Variants in CA10 observed in about 807,000 individuals in gnomAD.
The protein encoded by CA10 is carbonic anhydrase-related protein 10.
CA10 carries 14 observed loss-of-function variants against 44.2 expected under a neutral mutation model. The ratio of observed to expected loss-of-function variants is 0.32; its 90% CI spans 0.21 to 0.50. The LOEUF (loss-of-function observed/expected upper bound fraction) is 0.50. Among genes scored for constraint, CA10 ranks in the 20% least tolerant of loss-of-function variants. The pLI is 0.99. For synonymous variants in CA10, 159 were observed against 141.6 expected (o/e 1.12, Z -0.87); for missense variants, 350 against 409.7 (o/e 0.85, Z 1.26).
intron 1 of CA10, among the ~76,000 whole-genome samples, chr17:52,143,175 T>G (rs1242644438): frequency 6.6e-6 from 1 of 152,208 alleles, no homozygotes; most frequent in Non-Finnish European, 1.5e-5. Flanking sequence ...TATTAAATCT[T>G]GATTTCCATC....
In CA10 at chr17:51,653,641, T is replaced by C. The variant is rs1433151060; in HGVS notation, c.561A>G (p.Lys187=). The C allele has an allele frequency of 2.6e-6, 4 of 1,519,156 alleles. No homozygotes were observed. Among genetic ancestry groups the C allele is most frequent in the Non-Finnish European group, 3.7e-6 (4 of 1,093,438 alleles). 94.1% of individuals were successfully genotyped at this position (1,519,156 alleles called of 1,614,324 possible). A position where few individuals can be genotyped will look rare whatever the true frequency, so the allele number is the denominator to read the frequency against. The change falls in exon 5 of 9, where the codon AAA becomes AAG. Residue 187 remains lysine (K), a splice_region_variant and synonymous_variant. Coordinates refer to ENST00000451037, the MANE Select transcript of CA10 (RefSeq NM_020178.5). ...GAATGAAGGAATGCAAGAGACTTAC[T>C]TTTATAAATATAGAAACTACCACCA... ...NGLVVVSIFI[K]VSDSSNPFLN...
chr17:52,027,935 TG>T (rs1986351281), intron 2 of CA10, among the ~76,000 whole-genome samples: 1 of 152,158 alleles, frequency 6.6e-6, no homozygotes, highest in Admixed American at 6.6e-5. Context: ...CAAGAGCTTC[TG>T]GGATCCTACT....
intron 3 of CA10, among the ~76,000 whole-genome samples, chr17:51,865,329 T>C (rs1156752445): frequency 6.6e-6 from 1 of 152,218 alleles, no homozygotes; most frequent in Non-Finnish European, 1.5e-5. Context: ...CATAGCTGCA[T>C]GTCTAGTTTT....
At chr17:51,671,035 A>C (rs538994824) in intron 4 of CA10, among the ~76,000 whole-genome samples, 8 of 152,010 alleles carry the variant, frequency 5.3e-5, no homozygotes, top group Non-Finnish European at 1.0e-4. Context: ...GTCCCCTTGC[A>C]CTCCTATAGT....
At chr17:51,737,856 G>A (rs1916963723) in intron 4 of CA10, among the ~76,000 whole-genome samples, 1 of 152,190 alleles carries the variant, frequency 6.6e-6, no homozygotes, top group African/African-American at 2.4e-5. Context: ...TAACCCTACT[G>A]TTGCCCTTTT....
chr17:52,093,445 G>GA (rs1988321818), intron 1 of CA10, among the ~76,000 whole-genome samples: 1 of 152,066 alleles, frequency 6.6e-6, no homozygotes, highest in African/African-American at 2.4e-5. Context: ...CCAACCCATG[G>GA]AAAATCTCCT....
intron 3 of CA10, among the ~76,000 whole-genome samples, chr17:51,920,513 C>A (rs889113790): frequency 1.3e-5 from 2 of 152,036 alleles, no homozygotes; most frequent in Admixed American, 6.5e-5. Flanking sequence ...CTTTCTAATA[C>A]CCACAGGAGG....
chr17:51,913,624 G>A (rs111319297), intron 3 of CA10, among the ~76,000 whole-genome samples: 1,199 of 114,894 alleles, frequency 0.01, 15 homozygotes, highest in African/African-American at 0.04. Context: ...TGTTTCAGCA[G>A]TGCTTGCAAG....
chr17:51,915,528 A>G (rs759598399), intron 3 of CA10, among the ~76,000 whole-genome samples: 16 of 152,346 alleles, frequency 1.1e-4, no homozygotes, highest in Non-Finnish European at 2.4e-4. Context: ...CACAGAGGCC[A>G]ACAACACAGA....
chr17:51,887,693 T>C (rs1439591413), intron 3 of CA10, among the ~76,000 whole-genome samples: 1 of 152,028 alleles, frequency 6.6e-6, no homozygotes, highest in Non-Finnish European at 1.5e-5. Context: ...CTGGGCGCAG[T>C]GGCTCACACT....
chr17:51,980,253 GT>G (rs576548206), intron 2 of CA10, among the ~76,000 whole-genome samples: 5 of 152,034 alleles, frequency 3.3e-5, no homozygotes, highest in Non-Finnish European at 7.4e-5. Flanking sequence ...TTTCATTGTG[GT>G]TTTCATTTGC....
At chr17:52,068,513 T>C (rs1460003109) in intron 2 of CA10, among the ~76,000 whole-genome samples, 1 of 152,224 alleles carries the variant, frequency 6.6e-6, no homozygotes, top group African/African-American at 2.4e-5. Context: ...CTTCTCCACT[T>C]TGAGTACTCC....
At chr17:51,879,164 A>G (rs1331349982) in intron 3 of CA10, among the ~76,000 whole-genome samples, 1 of 151,974 alleles carries the variant, frequency 6.6e-6, no homozygotes, top group Non-Finnish European at 1.5e-5. Context: ...TCAGTTGGTT[A>G]TCACACTTGT....
intron 4 of CA10, among the ~76,000 whole-genome samples, chr17:51,725,511 A>G (rs922306738): frequency 6.6e-5 from 10 of 152,204 alleles, no homozygotes; most frequent in African/African-American, 2.2e-4. Flanking sequence ...TGGCAGGGCC[A>G]GCAGTGCAGC....
chr17:51,758,927 T>A (rs562869949), intron 3 of CA10, among the ~76,000 whole-genome samples: 2 of 152,282 alleles, frequency 1.3e-5, no homozygotes, highest in African/African-American at 4.8e-5. Flanking sequence ...AGACTGTGAA[T>A]GCAAGACTGT....
At chr17:51,896,893 GTGTC>G (rs1175672129) in intron 3 of CA10, among the ~76,000 whole-genome samples, 2 of 151,998 alleles carry the variant, frequency 1.3e-5, no homozygotes, top group East Asian at 1.9e-4. Context: ...CTTTTGAAAA[GTGTC>G]TGTCCATGTC....
chr17:51,683,461 C>T (rs769116727), intron 4 of CA10, among the ~76,000 whole-genome samples: 1 of 152,084 alleles, frequency 6.6e-6, no homozygotes. Context: ...TTGTGTGGAC[C>T]AAATGAGATA....
At chr17:52,110,402 T>C (rs1168431698) in intron 1 of CA10, among the ~76,000 whole-genome samples, 2 of 152,212 alleles carry the variant, frequency 1.3e-5, no homozygotes, top group African/African-American at 4.8e-5. Flanking sequence ...TTAACCTCTC[T>C]GAGCCTCAAT....
intron 3 of CA10, among the ~76,000 whole-genome samples, chr17:51,905,957 G>T (rs186273720): frequency 6.6e-6 from 1 of 151,988 alleles, no homozygotes; most frequent in Non-Finnish European, 1.5e-5. Flanking sequence ...CAGTTATGGG[G>T]GTAAGCTGTC....
Sources: allele counts gnomAD v4.1 joint callset (sites outside exome capture counted in the v4.1 genomes callset), GRCh38; gene constraint gnomAD v4.1.1; transcripts MANE v1.5; gene names NCBI Gene and HGNC (gene_info 2026-07-23, HGNC 2026-07-21).